The following STAB2 variants were observed in gnomAD, a reference collection of about 807,000 sequenced individuals.
STAB2 encodes stabilin 2, also known as stabilin-2.
A neutral mutation model predicts 338.1 loss-of-function variants in STAB2; 288 were observed. The ratio of observed to expected loss-of-function variants is 0.85; its 90% CI spans 0.77 to 0.94. The LOEUF (loss-of-function observed/expected upper bound fraction) is 0.94, where lower values mean the gene tolerates loss of function less well. Among genes scored for constraint, STAB2 ranks in the 40% least tolerant of loss-of-function variants. The probability of loss-of-function intolerance (pLI) is 0.00; values close to 1 mark genes in which losing one functional copy is unlikely to be tolerated. For missense variants in STAB2, 3,141 were observed against 3,210.1 expected (o/e 0.98, Z 0.52); for synonymous variants, 1,202 against 1,193.3 (o/e 1.01, Z -0.15).
chr12:103,677,535 A>G lies in STAB2; in HGVS notation c.2729A>G (p.Glu910Gly). Reference protein sequence around the residue: ...GWTGNGRDCSEINNCLLPSAG... With the variant: ...GWTGNGRDCSGINNCLLPSAG... ...ACAGGGAATGGGAGAGACTGCTCGG[A>G]GATCAACAACTGCCTGCTGCCCAGT... The change falls in exon 25 of 69, where the codon GAG becomes GGG. Residue 910 changes from glutamate to glycine, a missense_variant. Transcript: ENST00000388887. 1 of 1,614,226 alleles carries G rather than the reference A, an allele frequency of 6.2e-7. No individual in the cohort carries two copies.
At chr12:103,597,210 C>T (rs1178716969) in intron 3 of STAB2, among the ~76,000 whole-genome samples, 1 of 152,136 alleles carries the variant, frequency 6.6e-6, no homozygotes, top group Admixed American at 6.5e-5. Context: ...TATTTTACCT[C>T]TCACATTTTG....
chr12:103,702,315 G>A (rs537801457), intron 34 of STAB2, among the ~76,000 whole-genome samples: 7 of 145,656 alleles, frequency 4.8e-5, no homozygotes, highest in Admixed American at 4.1e-4. Flanking sequence ...TTTTTGAGAC[G>A]GAGTCTCGCT....
chr12:103,642,577 T>A (rs1364309804), intron 9 of STAB2, among the ~76,000 whole-genome samples: 1 of 152,218 alleles, frequency 6.6e-6, no homozygotes, highest in Non-Finnish European at 1.5e-5. Context: ...GATCTAGTTT[T>A]AAATCCCAGC....
intron 6 of STAB2, among the ~76,000 whole-genome samples, chr12:103,635,746 G>A (rs945237159): frequency 6.6e-6 from 1 of 152,236 alleles, no homozygotes; most frequent in Non-Finnish European, 1.5e-5. Flanking sequence ...ATGACAGAGA[G>A]GTGGCTTCTT....
intron 18 of STAB2, among the ~76,000 whole-genome samples, chr12:103,663,856 A>G (rs1023797866): frequency 1.1e-4 from 16 of 152,072 alleles, no homozygotes; most frequent in Non-Finnish European, 2.1e-4. Context: ...GGGTTTTCCA[A>G]CCCAACCCCT....
intron 33 of STAB2, among the ~76,000 whole-genome samples, chr12:103,698,108 A>G (rs1878555736): frequency 6.6e-6 from 1 of 152,210 alleles, no homozygotes. Flanking sequence ...GGGAGAGAAC[A>G]GGAAGGACTG....
intron 58 of STAB2, 68 bp downstream of exon 58, chr12:103,746,772 T>A (rs1319643716): frequency 4.4e-5 from 66 of 1,497,714 alleles, no homozygotes; most frequent in Non-Finnish European, 5.6e-5. Flanking sequence ...TTGCTCACAG[T>A]GCCTGGGCTT....
At chr12:103,670,107 C>T (rs879839776) in intron 21 of STAB2, among the ~76,000 whole-genome samples, 2 of 152,152 alleles carry the variant, frequency 1.3e-5, no homozygotes, top group Non-Finnish European at 2.9e-5. Flanking sequence ...AATTATACAT[C>T]TGTGCATTTA....
chr12:103,728,972 C>A lies in STAB2; in HGVS notation c.5059C>A (p.Pro1687Thr). 6.2e-7 allele frequency: 1 copy of A among 1,613,880 alleles called. No individual in the cohort carries two copies. The highest frequency in any genetic ancestry group is 8.5e-7 in the Non-Finnish European group (1 of 1,179,806). The change falls in exon 48 of 69, where the codon CCA becomes ACA. Residue 1687 changes from proline (P) to threonine (T), a missense_variant. By Grantham distance (38) the Pro-to-Thr change is conservative. Transcript: ENST00000388887. ...AAATGCTACTTCCCTCCAAGGAGAG[C>A]CAATAGTCATCTCCGTCTCTCAGGT... ...ISNATSLQGE[P>T]IVISVSQSTV...
intron 25 of STAB2, among the ~76,000 whole-genome samples, chr12:103,681,250 G>A (rs1264119054): frequency 6.6e-6 from 1 of 152,050 alleles, no homozygotes; most frequent in Admixed American, 6.6e-5. Flanking sequence ...GTAAATAATT[G>A]CATTCATTTT....
In STAB2 at chr12:103,733,057, C is replaced by A; in HGVS notation, c.5335C>A (p.Leu1779Ile). 6.2e-7 allele frequency: 1 copy of A among 1,614,122 alleles called. No homozygotes were observed. Among genetic ancestry groups the A allele is most frequent in the Non-Finnish European group, 8.5e-7 (1 of 1,180,006 alleles). ...ITDPIHTPVT[L>I]FWPTDQALHA... is the part of the protein sequence containing the mutation. ...CGATCCCATCCACACCCCAGTCACT[C>A]TCTTCTGGCCCACCGACCAAGCCCT... Residue 1779 changes from leucine to isoleucine, a missense_variant, in exon 51 of 69, where the codon CTC becomes ATC. Coordinates refer to ENST00000388887, the MANE Select transcript of STAB2 (RefSeq NM_017564.10).
intron 66 of STAB2, among the ~76,000 whole-genome samples, chr12:103,761,915 G>T (rs1884569268): frequency 6.6e-6 from 1 of 152,122 alleles, no homozygotes; most frequent in South Asian, 2.1e-4. Flanking sequence ...GAGGGGAGAG[G>T]TGAGCTGCTG....
intron 52 of STAB2, among the ~76,000 whole-genome samples, chr12:103,735,905 G>T (rs1232979604): frequency 6.6e-6 from 1 of 152,116 alleles, no homozygotes; most frequent in Non-Finnish European, 1.5e-5. Context: ...AAAGTATACA[G>T]TCATTCCTTT....
chr12:103,698,973 A>G, intron 33 of STAB2, 123 bp from the exon 34 acceptor site: 1 of 1,278,030 alleles, frequency 7.8e-7, no homozygotes, highest in Admixed American at 2.8e-5. Context: ...TACCTCTGTC[A>G]AAACTTCCAC....
At chr12:103,650,639 C>T in intron 11 of STAB2, 61 bp downstream of exon 11, 2 of 1,352,004 alleles carry the variant, frequency 1.5e-6, no homozygotes, top group Non-Finnish European at 2.1e-6. Flanking sequence ...GTAGGGAGTA[C>T]CTTCTTTTAT....
intron 5 of STAB2, 120 bp from the exon 6 acceptor site, chr12:103,631,478 G>A: frequency 1.1e-6 from 1 of 883,394 alleles, no homozygotes. Context: ...AAAGAGAGAG[G>A]AGCCAAAGTT....
intron 18 of STAB2, 71 bp from the exon 19 acceptor site, chr12:103,666,220 C>T: frequency 6.7e-7 from 1 of 1,489,500 alleles, no homozygotes; most frequent in Non-Finnish European, 9.3e-7. Flanking sequence ...AGCATGAAAC[C>T]AGCCACAGGA....
chr12:103,712,580 T>C (rs540605217), intron 41 of STAB2, 137 bp downstream of exon 41: 1 of 694,128 alleles, frequency 1.4e-6, no homozygotes, highest in South Asian at 1.6e-5. Context: ...AATGGGGCAG[T>C]TGATTGTGCC....
Position 103,683,221 on chromosome 12 carries a change from A to G in STAB2, c.2822A>G (p.Lys941Arg), listed in dbSNP as rs74847686. The G allele has an allele frequency of 7.3e-4, 1,185 of 1,613,192 alleles. 17 individuals are homozygous for G. The African/African-American group carries it at 0.013, about 18-fold the overall frequency. Residue 941 changes from lysine (K) to arginine (R), a missense_variant, in exon 26 of 69, where the codon AAG (lysine) becomes AGG (arginine). By Grantham distance (26) the Lys-to-Arg change is conservative. Coordinates refer to ENST00000388887, the MANE Select transcript of STAB2 (RefSeq NM_017564.10). ...AAATTATAGAATGAGTGTGAGTGCAAGAAAGGATTTCGAGGAAATGGGATT... is the reference window on the plus strand; with the variant it reads ...AAATTATAGAATGAGTGTGAGTGCAGGAAAGGATTTCGAGGAAATGGGATT... The part of the protein sequence containing the change: ...VGPGQNECEC[K>R]KGFRGNGIDC...
Sources: allele counts gnomAD v4.1 joint callset (sites outside exome capture counted in the v4.1 genomes callset), GRCh38; gene constraint gnomAD v4.1.1; transcripts MANE v1.5; gene names NCBI Gene and HGNC (gene_info 2026-07-23, HGNC 2026-07-21).